MAP2K6: variants seen among roughly 807,000 people sequenced by gnomAD.
MAP2K6 encodes dual specificity mitogen-activated protein kinase kinase 6.
MAP2K6 carries 16 observed loss-of-function variants against 53.7 expected under a neutral mutation model. The observed-to-expected ratio is 0.30, with a 90% CI of 0.20 to 0.45. The LOEUF is 0.45. MAP2K6 is among the 20% of genes least tolerant of loss of function. The pLI is 1.00. For missense variants in MAP2K6, 204 were observed against 411.9 expected, an observed-to-expected ratio of 0.50 and a Z score of 4.37; for synonymous variants, 132 against 143.1, an observed-to-expected ratio of 0.92 and a Z score of 0.55.
chr17:69,474,320 G>C (rs1273287798), intron 1 of MAP2K6, among the ~76,000 whole-genome samples: 1 of 152,230 alleles, frequency 6.6e-6, no homozygotes, highest in Non-Finnish European at 1.5e-5. Context: ...GGTTGGCTGA[G>C]TCTGCCCTGC....
intron 1 of MAP2K6, among the ~76,000 whole-genome samples, chr17:69,426,130 T>A (rs74576428): frequency 0.017 from 2,613 of 152,300 alleles, 77 homozygotes; most frequent in African/African-American, 0.06. Context: ...GGCTCAAACA[T>A]CCTCCTGTGT....
At chr17:69,524,281 G>T (rs536026028) in intron 8 of MAP2K6, among the ~76,000 whole-genome samples, 1 of 152,026 alleles carries the variant, frequency 6.6e-6, no homozygotes, top group African/African-American at 2.4e-5. Flanking sequence ...ACACTGTATT[G>T]CAGGGGAGTA....
chr17:69,432,442 C>T (rs922395476), intron 1 of MAP2K6, among the ~76,000 whole-genome samples: 2 of 152,100 alleles, frequency 1.3e-5, no homozygotes, highest in African/African-American at 4.8e-5. Flanking sequence ...GAAAATGTGG[C>T]ACATATACAC....
At chr17:69,532,826 G>C (rs1911151945) in intron 10 of MAP2K6, among the ~76,000 whole-genome samples, 1 of 152,164 alleles carries the variant, frequency 6.6e-6, no homozygotes, top group Non-Finnish European at 1.5e-5. Flanking sequence ...ATAGCCTATT[G>C]ACCAGTTAGT....
At chr17:69,531,178 A>C (rs1216050717) in intron 10 of MAP2K6, among the ~76,000 whole-genome samples, 2 of 152,168 alleles carry the variant, frequency 1.3e-5, no homozygotes, top group African/African-American at 4.8e-5. Context: ...GGATTTCAAA[A>C]GTGAAATATT....
intron 2 of MAP2K6, among the ~76,000 whole-genome samples, chr17:69,515,632 C>CA (rs1449119299): frequency 3.3e-5 from 5 of 152,138 alleles, no homozygotes; most frequent in African/African-American, 1.2e-4. Flanking sequence ...ACTATAGAAA[C>CA]AAAATCAGCA....
chr17:69,530,662 T>C (rs961325828), intron 10 of MAP2K6, among the ~76,000 whole-genome samples: 1 of 152,208 alleles, frequency 6.6e-6, no homozygotes, highest in Non-Finnish European at 1.5e-5. Flanking sequence ...ACCACCAATA[T>C]ATTTTCTTTG....
chr17:69,442,154 C>T (rs770375901), intron 1 of MAP2K6, among the ~76,000 whole-genome samples: 11 of 152,186 alleles, frequency 7.2e-5, no homozygotes, highest in Non-Finnish European at 1.6e-4. Context: ...TTTTTATAAA[C>T]ACAGTGCTAT....
chr17:69,491,883 T>C (rs868540661), intron 1 of MAP2K6, among the ~76,000 whole-genome samples: 13 of 152,208 alleles, frequency 8.5e-5, no homozygotes, highest in African/African-American at 2.9e-4. Flanking sequence ...GTCTGAGATG[T>C]TATTTCACTG....
At chr17:69,429,391 A>G (rs1906383338) in intron 1 of MAP2K6, among the ~76,000 whole-genome samples, 1 of 151,794 alleles carries the variant, frequency 6.6e-6, no homozygotes, top group Non-Finnish European at 1.5e-5. Flanking sequence ...TCAAGTTTGC[A>G]GTGATCATTC....
rs1908860787 is a variant in MAP2K6, at chr17:69,494,292, GT to G, written c.17-11485del. 6.6e-6 allele frequency among the ~76,000 whole-genome samples: 1 copy of G among 152,092 alleles called. No homozygotes were observed. The highest frequency in any genetic ancestry group is 2.1e-4 in the South Asian group (1 of 4,820). On this transcript the variant is annotated intron_variant, in intron 1 of 11. Coordinates refer to ENST00000590474, the MANE Select transcript of MAP2K6 (RefSeq NM_002758.4). The surrounding 1 kb of genome is among the most constrained non-coding windows in gnomAD (Gnocchi z 4.2). ...GCGGGCAGATCACCTGAGGCCGAGA[GT>G]TTGTGACCAGCCTGGCCAACACGGT...
intron 1 of MAP2K6, among the ~76,000 whole-genome samples, chr17:69,439,821 T>G (rs1474862793): frequency 6.6e-6 from 1 of 152,230 alleles, no homozygotes; most frequent in Non-Finnish European, 1.5e-5. Context: ...CTAAAATAGC[T>G]ACTTTAGCTG....
Position 69,548,063 on chromosome 17 carries a change from A to T in MAP2K6, c.*6310A>T, listed in dbSNP as rs539239407. 1 of 152,320 alleles carries T rather than the reference A, an allele frequency of 6.6e-6. No individual in the cohort carries two copies. Among genetic ancestry groups the T allele is most frequent in the East Asian group, 1.9e-4 (1 of 5,184 alleles). The allele number at this position is 152,320 out of a possible 1,614,324, so 9.4% of individuals were successfully genotyped here. A position where few individuals can be genotyped will look rare whatever the true frequency, so the allele number is the denominator to read the frequency against. On this transcript the variant is annotated 3_prime_UTR_variant, in exon 12 of 12. Coordinates refer to ENST00000590474, the MANE Select transcript of MAP2K6 (RefSeq NM_002758.4). ...TTCACATTTTAAGGAAGTAGGAAAG[A>T]GTAGTTTGAAGTCACAAAATTTGTT...
chr17:69,508,051 T>TTTG (rs1909612672), intron 2 of MAP2K6, among the ~76,000 whole-genome samples: 2 of 69,510 alleles, frequency 2.9e-5, no homozygotes, highest in Non-Finnish European at 5.6e-5. Context: ...GTTTTTTTTT[T>TTTG]TTTTTTTTTT....
chr17:69,533,524 CAGTG>C (rs1694462924), intron 10 of MAP2K6, among the ~76,000 whole-genome samples: 3 of 152,104 alleles, frequency 2.0e-5, no homozygotes, highest in Admixed American at 2.0e-4. Flanking sequence ...CCTGGGTCCT[CAGTG>C]AGAGTGTTCC....
intron 2 of MAP2K6, among the ~76,000 whole-genome samples, chr17:69,506,964 CT>C (rs1055707089): frequency 4.1e-5 from 6 of 145,718 alleles, no homozygotes; most frequent in Non-Finnish European, 7.6e-5. Context: ...TTTTTTTTTT[CT>C]TTTTTTTTCG....
chr17:69,442,564 C>T (rs1235698247), intron 1 of MAP2K6, among the ~76,000 whole-genome samples: 1 of 152,200 alleles, frequency 6.6e-6, no homozygotes, highest in Non-Finnish European at 1.5e-5. Flanking sequence ...ATTAAATCAT[C>T]TGGTTTCTTT....
chr17:69,456,283 G>C (rs551810859), intron 1 of MAP2K6, among the ~76,000 whole-genome samples: 1 of 152,140 alleles, frequency 6.6e-6, no homozygotes. Flanking sequence ...CCTATGCTTC[G>C]GGCCTCTTTG....
In MAP2K6 at chr17:69,542,862, G is replaced by A. The variant is rs1911705624; in HGVS notation, c.*1109G>A. The A allele has an allele frequency of 6.6e-6, 1 of 152,206 alleles. No individual in the cohort carries two copies. The highest frequency in any genetic ancestry group is 2.4e-5 in the African/African-American group (1 of 41,444). 9.4% of individuals were successfully genotyped at this position (152,206 alleles called of 1,614,324 possible). A position where few individuals can be genotyped will look rare whatever the true frequency, so the allele number is the denominator to read the frequency against. ...AAGCAGCCTTACTATTCATAGAAGGGCTAGAATAGGAGAAAATGAAAGGTA... is the reference window on the plus strand; with the variant it reads ...AAGCAGCCTTACTATTCATAGAAGGACTAGAATAGGAGAAAATGAAAGGTA... On this transcript the variant is annotated 3_prime_UTR_variant, in exon 12 of 12. Coordinates refer to ENST00000590474, the MANE Select transcript of MAP2K6 (RefSeq NM_002758.4).
Sources: gnomAD v4.1 joint callset for allele counts (sites outside exome capture counted in the v4.1 genomes callset) on GRCh38, gnomAD v4.1.1 for gene constraint, Gnocchi (gnomAD v3.1) non-coding constraint, MANE v1.5 for transcripts, NCBI Gene and HGNC (gene_info 2026-07-23, HGNC 2026-07-21) for gene names.